MOB3B: variants seen among roughly 807,000 people sequenced by gnomAD.
The protein encoded by MOB3B is MOB kinase activator 3B.
In MOB3B, 7 loss-of-function variants were observed where a neutral mutation model predicts 18.7. The ratio of observed to expected loss-of-function variants is 0.37; its 90% CI spans 0.21 to 0.70. The LOEUF (loss-of-function observed/expected upper bound fraction) is 0.70, where lower values mean the gene tolerates loss of function less well. Among genes scored for constraint, MOB3B ranks in the 30% least tolerant of loss-of-function variants. MOB3B has a pLI of 0.52. For missense variants in MOB3B, 253 were observed against 281.3 expected (o/e 0.90, Z 0.72); for synonymous variants, 111 against 99.9 (o/e 1.11, Z -0.66).
intron 1 of MOB3B, among the ~76,000 whole-genome samples, chr9:27,516,203 A>G (rs1266212027): frequency 6.6e-6 from 1 of 152,218 alleles, no homozygotes; most frequent in Non-Finnish European, 1.5e-5. Context: ...CTCTAGGACT[A>G]TGAGAGAATA....
rs149537144 is a variant in MOB3B at position 27,408,118 on chromosome 9, A to G, written c.418+47015T>C. Among the ~76,000 whole-genome samples the G allele has an allele frequency of 2.8e-3, 424 of 152,302 alleles. 2 individuals carry two copies. The highest frequency in any genetic ancestry group is 9.8e-3 in the African/African-American group (408 of 41,570). On this transcript the variant is annotated intron_variant, in intron 2 of 3. Transcript: ENST00000262244. The stretch of plus-strand genomic sequence containing the variant: ...GCCGAGGCTGACACAGAAGGCTCAC[A>G]ACAAACCATGTGCCTCCGAAATAAT...
chr9:27,353,995 A>G (rs906082846), intron 3 of MOB3B, among the ~76,000 whole-genome samples: 1 of 152,240 alleles, frequency 6.6e-6, no homozygotes, highest in African/African-American at 2.4e-5. Flanking sequence ...TTGCATTTAC[A>G]TGAGCAATGG....
chr9:27,369,840 G>C (rs769053501), intron 2 of MOB3B, among the ~76,000 whole-genome samples: 1 of 151,790 alleles, frequency 6.6e-6, no homozygotes, highest in African/African-American at 2.4e-5. Context: ...CCTCTAGAAC[G>C]TCCTCCCTGG....
chr9:27,350,800 C>T (rs1475934180), intron 3 of MOB3B, among the ~76,000 whole-genome samples: 1 of 152,050 alleles, frequency 6.6e-6, no homozygotes, highest in Non-Finnish European at 1.5e-5. Context: ...CCTGGACACA[C>T]ATATACTTGT....
chr9:27,337,999 C>A (rs1006047135), intron 3 of MOB3B, among the ~76,000 whole-genome samples: 1 of 152,144 alleles, frequency 6.6e-6, no homozygotes, highest in East Asian at 1.9e-4. Flanking sequence ...CACCAAGGCC[C>A]AGAAGCACCA....
chr9:27,412,744 A>G (rs966446287), intron 2 of MOB3B, among the ~76,000 whole-genome samples: 1 of 152,240 alleles, frequency 6.6e-6, no homozygotes, highest in African/African-American at 2.4e-5. Flanking sequence ...AGGCGACTCC[A>G]GCCTGCTTTG....
chr9:27,495,207 T>C (rs1819877995), intron 1 of MOB3B, among the ~76,000 whole-genome samples: 1 of 152,164 alleles, frequency 6.6e-6, no homozygotes, highest in East Asian at 1.9e-4. Flanking sequence ...GGCATACACC[T>C]ACAGTCTCAG....
chr9:27,451,528 A>G (rs919025440), intron 2 of MOB3B, among the ~76,000 whole-genome samples: 2 of 152,190 alleles, frequency 1.3e-5, no homozygotes, highest in African/African-American at 4.8e-5. Flanking sequence ...CAATGTTTCA[A>G]TGGTAGAGAT....
At chr9:27,412,606 T>C (rs552670501) in intron 2 of MOB3B, among the ~76,000 whole-genome samples, 1 of 152,318 alleles carries the variant, frequency 6.6e-6, no homozygotes, top group African/African-American at 2.4e-5. Context: ...GGTTCCATTT[T>C]TCCCAAAGCA....
intron 2 of MOB3B, among the ~76,000 whole-genome samples, chr9:27,374,610 A>C (rs2131369719): frequency 6.6e-6 from 1 of 152,286 alleles, no homozygotes; most frequent in Middle Eastern, 3.4e-3. Flanking sequence ...CTAGAACTTG[A>C]CATTCACAAG....
intron 2 of MOB3B, among the ~76,000 whole-genome samples, chr9:27,390,238 C>T (rs958495378): frequency 1.3e-5 from 2 of 152,070 alleles, no homozygotes; most frequent in Non-Finnish European, 1.5e-5. Flanking sequence ...CAGGTGTATG[C>T]CACCACGCCT....
At chr9:27,512,817 G>C (rs1820166765) in intron 1 of MOB3B, among the ~76,000 whole-genome samples, 1 of 151,906 alleles carries the variant, frequency 6.6e-6, no homozygotes, top group Admixed American at 6.6e-5. Flanking sequence ...ATTATGATTT[G>C]ACTGTAGTTA....
chr9:27,367,135 T>C (rs1389994325), intron 2 of MOB3B, among the ~76,000 whole-genome samples: 1 of 152,166 alleles, frequency 6.6e-6, no homozygotes, highest in East Asian at 1.9e-4. Context: ...AATAAATACT[T>C]GCTGACCGTT....
Position 27,493,597 on chromosome 9 carries a change from C to T in MOB3B, c.-199+35958G>A, listed in dbSNP as rs142410216. 7.4e-3 allele frequency among the ~76,000 whole-genome samples: 1,131 copies of T among 152,030 alleles called. 21 individuals are homozygous for T. The East Asian group carries it at 0.083, about 11-fold the overall frequency. On this transcript the variant is annotated intron_variant, in intron 1 of 3. Coordinates refer to ENST00000262244, the MANE Select transcript of MOB3B (RefSeq NM_024761.5). Reference sequence around the variant, plus strand: ...TGAAGGTTGCAGTGAGCTGAGATCCCGCCACTGCATTCCAGCCTGGGCGAC... The same window carrying T: ...TGAAGGTTGCAGTGAGCTGAGATCCTGCCACTGCATTCCAGCCTGGGCGAC...
chr9:27,348,013 G>C (rs921501153), intron 3 of MOB3B, among the ~76,000 whole-genome samples: 1 of 152,164 alleles, frequency 6.6e-6, no homozygotes, highest in Non-Finnish European at 1.5e-5. Context: ...TACTTCTGTA[G>C]AAAGACCAGG....
chr9:27,361,573 T>C (rs1563850028), intron 2 of MOB3B, among the ~76,000 whole-genome samples: 2 of 152,160 alleles, frequency 1.3e-5, no homozygotes, highest in Admixed American at 1.3e-4. Context: ...GGATTAACAG[T>C]AAAAAGTAGT....
chr9:27,465,429 G>C (rs1587235497), intron 1 of MOB3B, among the ~76,000 whole-genome samples: 1 of 152,256 alleles, frequency 6.6e-6, no homozygotes, highest in East Asian at 1.9e-4. Context: ...CCTCCCTGCT[G>C]GCTGCTTTCA....
At chr9:27,396,575 A>G (rs1247593789) in intron 2 of MOB3B, among the ~76,000 whole-genome samples, 2 of 151,968 alleles carry the variant, frequency 1.3e-5, no homozygotes, top group Non-Finnish European at 2.9e-5. Flanking sequence ...TTTCCTTACT[A>G]CTTTATGTTT....
At chr9:27,450,563 C>CA (rs1822768300) in intron 2 of MOB3B, among the ~76,000 whole-genome samples, 2 of 151,968 alleles carry the variant, frequency 1.3e-5, no homozygotes, top group Non-Finnish European at 2.9e-5. Flanking sequence ...AAAACAAAAA[C>CA]AAAAACAAAA....
Sources: gnomAD v4.1 joint callset for allele counts (sites outside exome capture counted in the v4.1 genomes callset) on GRCh38, gnomAD v4.1.1 for gene constraint, MANE v1.5 for transcripts, NCBI Gene and HGNC (gene_info 2026-07-23, HGNC 2026-07-21) for gene names.